The following TNRC6B variants were observed in gnomAD, a reference collection of about 807,000 sequenced individuals.
TNRC6B encodes trinucleotide repeat-containing gene 6B protein.
Under a neutral mutation model 203.6 loss-of-function variants are expected in TNRC6B, and 52 were observed. The observed-to-expected ratio is 0.26, with a 90% CI of 0.20 to 0.32. TNRC6B has a LOEUF of 0.32. Among genes scored for constraint, TNRC6B ranks in the 10% least tolerant of loss-of-function variants. TNRC6B has a pLI of 1.00. For synonymous variants in TNRC6B, 838 were observed against 845.7 expected (o/e 0.99, Z 0.16); for missense variants, 1,923 against 2,286.2 (o/e 0.84, Z 3.24).
At position 40,311,519 on chromosome 22, in the gene TNRC6B, A is replaced by G. The variant is rs539733097; in HGVS notation, c.4435+526A>G. Among the ~76,000 whole-genome samples the G allele has an allele frequency of 2.0e-4, 31 of 152,092 alleles. No homozygotes were observed. In the East Asian group the frequency reaches 5.4e-3, roughly 26 times the overall value. ...ATGCGTATTTGTGACATGAATATGT[A>G]TAGTTTCGTTTTATTAAGGTAGAAT... On this transcript the variant is annotated intron_variant, in intron 17 of 22. Coordinates refer to ENST00000454349, the MANE Select transcript of TNRC6B (RefSeq NM_001162501.2).
upstream of TNRC6B, among the ~76,000 whole-genome samples, chr22:40,174,682 G>A (rs1192366091): frequency 1.3e-5 from 2 of 151,958 alleles, no homozygotes; most frequent in African/African-American, 2.4e-5. Context: ...AAAATTAGCC[G>A]AGCGTGGTGG....
At chr22:40,298,640 A>C (rs1314349923) in intron 12 of TNRC6B, among the ~76,000 whole-genome samples, 1 of 152,250 alleles carries the variant, frequency 6.6e-6, no homozygotes, top group Non-Finnish European at 1.5e-5. Flanking sequence ...CAGAAAGGCT[A>C]AATGAGTAAC....
chr22:40,082,024 C>A (rs916697421), intron 1 of TNRC6B, among the ~76,000 whole-genome samples: 6 of 151,776 alleles, frequency 4.0e-5, no homozygotes, highest in African/African-American at 1.5e-4. Context: ...CAGTGCGAGG[C>A]CCTGGGTGTA....
intron 7 of TNRC6B, among the ~76,000 whole-genome samples, chr22:40,274,982 T>G (rs1331493950): frequency 1.3e-5 from 2 of 152,210 alleles, no homozygotes; most frequent in Non-Finnish European, 2.9e-5. Context: ...TATGAAACGG[T>G]TCACAGCTAA....
At chr22:40,208,362 G>A (rs1049914419) in intron 1 of TNRC6B, among the ~76,000 whole-genome samples, 2 of 152,268 alleles carry the variant, frequency 1.3e-5, no homozygotes, top group Admixed American at 1.3e-4. Context: ...TAAGATGTCT[G>A]CAGCAATGTG....
chr22:40,285,520 A>G, intron 11 of TNRC6B, 125 bp from the exon 12 acceptor site: 1 of 1,191,342 alleles, frequency 8.4e-7, no homozygotes, highest in East Asian at 2.5e-5. Flanking sequence ...TCTCAGTTAC[A>G]AAATTCTGTT....
intron 1 of TNRC6B, among the ~76,000 whole-genome samples, chr22:40,047,862 A>G (rs904012546): frequency 6.6e-6 from 1 of 152,222 alleles, no homozygotes; most frequent in Non-Finnish European, 1.5e-5. Context: ...TGCTTGGCAC[A>G]TAGTGGGAAC....
At chr22:40,245,074 CATTT>C (rs36155056) in intron 1 of TNRC6B, among the ~76,000 whole-genome samples, 49,223 of 149,384 alleles carry the variant, frequency 0.33, 9,491 homozygotes, top group East Asian at 0.56. Flanking sequence ...ATAGGACATA[CATTT>C]ATTTATTTAT....
rs1453920545 is a variant in TNRC6B at position 40,335,406 on chromosome 22, A to G, written c.*12165A>G. 1.3e-5 allele frequency: 2 copies of G among 151,504 alleles called. No homozygotes were observed. The highest frequency in any genetic ancestry group is 2.4e-5 in the African/African-American group (1 of 41,258). 9.4% of individuals were successfully genotyped at this position (151,504 alleles called of 1,614,324 possible). A position where few individuals can be genotyped will look rare whatever the true frequency, so the allele number is the denominator to read the frequency against. ...AAATGTTAAACTCTACTAATGTACA[A>G]ATAAGCTGAAAAGTTGCATTTTATG... On this transcript the variant is annotated 3_prime_UTR_variant, in exon 23 of 23. Coordinates refer to ENST00000454349, the MANE Select transcript of TNRC6B (RefSeq NM_001162501.2).
chr22:40,226,103 A>G (rs1299314670), intron 1 of TNRC6B, among the ~76,000 whole-genome samples: 4 of 152,218 alleles, frequency 2.6e-5, no homozygotes, highest in Non-Finnish European at 2.9e-5. Context: ...ATAGTTTTTG[A>G]TTACTATTAA....
chr22:40,229,949 C>G (rs1405559277), intron 1 of TNRC6B, among the ~76,000 whole-genome samples: 1 of 152,160 alleles, frequency 6.6e-6, no homozygotes, highest in Admixed American at 6.6e-5. Flanking sequence ...TGGACATACG[C>G]TTTCTTTTCT....
At chr22:40,319,678 T>C (rs1010828647) in intron 21 of TNRC6B, among the ~76,000 whole-genome samples, 8 of 152,096 alleles carry the variant, frequency 5.3e-5, no homozygotes, top group Non-Finnish European at 1.2e-4. Context: ...CCCACCTCAG[T>C]CTTCCAAAGT....
At chr22:40,188,524 C>G (rs2069233860) in intron 1 of TNRC6B, among the ~76,000 whole-genome samples, 1 of 152,072 alleles carries the variant, frequency 6.6e-6, no homozygotes, top group Non-Finnish European at 1.5e-5. Flanking sequence ...CCTTTAATGC[C>G]TTAGTAAGGT....
At chr22:40,095,837 C>G (rs1189707932) in intron 1 of TNRC6B, among the ~76,000 whole-genome samples, 1 of 151,650 alleles carries the variant, frequency 6.6e-6, no homozygotes, top group African/African-American at 2.4e-5. Flanking sequence ...AATAAGGTAC[C>G]CCATTTGATA....
chr22:40,142,526 G>A (rs1195685011), intron 3 of TNRC6B, among the ~76,000 whole-genome samples: 3 of 152,206 alleles, frequency 2.0e-5, no homozygotes, highest in East Asian at 1.9e-4. Flanking sequence ...TTCTTACTGT[G>A]TTCCGTGTAG....
intron 2 of TNRC6B, among the ~76,000 whole-genome samples, chr22:40,125,580 C>T (rs1467263217): frequency 6.6e-6 from 1 of 152,148 alleles, no homozygotes; most frequent in Non-Finnish European, 1.5e-5. Flanking sequence ...GGAAACATTC[C>T]CTCCCTGCTT....
At chr22:40,171,669 C>A (rs57770630) in intron 4 of TNRC6B, among the ~76,000 whole-genome samples, 17,120 of 152,102 alleles carry the variant, frequency 0.11, 1,036 homozygotes, top group South Asian at 0.15. Flanking sequence ...GCGCTGTTTT[C>A]TTTTCCTGCT....
intron 18 of TNRC6B, 46 bp from the exon 19 acceptor site, chr22:40,312,856 C>G (rs2146566127): frequency 1.3e-6 from 2 of 1,566,760 alleles, no homozygotes; most frequent in East Asian, 4.5e-5. Context: ...ACTGGTTATA[C>G]TGACATTTAT....
At chr22:40,281,668 A>G (rs139569695) in intron 11 of TNRC6B, among the ~76,000 whole-genome samples, 1 of 152,362 alleles carries the variant, frequency 6.6e-6, no homozygotes, top group Non-Finnish European at 1.5e-5. Context: ...TTTCAATTTA[A>G]TAAACCTGCT....
Sources: gnomAD v4.1 joint callset for allele counts (sites outside exome capture counted in the v4.1 genomes callset) on GRCh38, gnomAD v4.1.1 for gene constraint, MANE v1.5 for transcripts, NCBI Gene and HGNC (gene_info 2026-07-23, HGNC 2026-07-21) for gene names.